The following ZNF775 variants were observed in gnomAD, a reference collection of about 807,000 sequenced individuals.
ZNF775 encodes the protein zinc finger protein 775.
In ZNF775, 1 loss-of-function variant was observed where a neutral mutation model predicts 2.4. The observed-to-expected ratio is 0.41, with a 90% CI of 0.15 to 1.94. The LOEUF is 1.94. ZNF775 is among the 30% of genes most tolerant of loss of function. ZNF775 has a pLI of 0.30. For synonymous variants in ZNF775, 381 were observed against 373.3 expected, an observed-to-expected ratio of 1.02 and a Z score of -0.24; for missense variants, 823 against 826.6, an observed-to-expected ratio of 1.00 and a Z score of 0.05.
At position 150,388,777 on chromosome 7, in the gene ZNF775, A is replaced by G. The variant is rs1585085889; in HGVS notation, c.31+276A>G. Among the ~76,000 whole-genome samples the G allele has an allele frequency of 1.3e-5, 2 of 152,330 alleles. 1 individual carries two copies. Among genetic ancestry groups the G allele is most frequent in the South Asian group, 4.1e-4 (2 of 4,828 alleles). On this transcript the variant is annotated intron_variant, in intron 2 of 2. Coordinates refer to ENST00000329630, the MANE Select transcript of ZNF775 (RefSeq NM_173680.4). ...GTGCACCCATGCCTTGTAGAAATTG[A>G]GGTGTTATTTACGTGCTAGAACAGG...
At position 150,384,234 on chromosome 7, in the gene ZNF775, C is replaced by T. The variant is rs566305699; in HGVS notation, c.-49-4188C>T. ...GGGGCAGCAGAGAGGAAAGGTGGTC[C>T]GGTAGGGGCCCGGGGGCCCTTGTGC... On this transcript the variant is annotated intron_variant, in intron 1 of 2. Transcript: ENST00000329630. The surrounding 1 kb of genome is among the most constrained non-coding windows in gnomAD (Gnocchi z 4.1). 9.8e-5 allele frequency among the ~76,000 whole-genome samples: 15 copies of T among 152,342 alleles called. No homozygotes were observed. The highest frequency in any genetic ancestry group is 3.4e-4 in the African/African-American group (14 of 41,574).
rs1800722299 is a variant in ZNF775, at chr7:150,398,326, C to T, written c.*231C>T. ...AAGATCCGAGTTCCTCACCGCGGGC[C>T]GGGATGTGACCACCCTCTTCAGAGG... On this transcript the variant is annotated 3_prime_UTR_variant, in exon 3 of 3. Coordinates refer to ENST00000329630, the MANE Select transcript of ZNF775 (RefSeq NM_173680.4). 3 of 664,082 alleles carry T rather than the reference C, an allele frequency of 4.5e-6. No homozygotes were observed. Among genetic ancestry groups the T allele is most frequent in the South Asian group, 2.2e-5 (1 of 45,380 alleles). The allele number at this position is 664,082 out of a possible 1,614,324, so 41.1% of individuals were successfully genotyped here. A position where few individuals can be genotyped will look rare whatever the true frequency, so the allele number is the denominator to read the frequency against.
At chr7:150,388,316 C>A in intron 1 of ZNF775, 106 bp from the exon 2 acceptor site, 1 of 837,720 alleles carries the variant, frequency 1.2e-6, no homozygotes, top group Non-Finnish European at 1.9e-6. Context: ...TAGAAAAGCT[C>A]TTTGGAAAAG....
rs755347331 is a variant in ZNF775 at position 150,397,543 on chromosome 7, G to A, written c.1062G>A (p.Lys354=). The change falls in exon 3 of 3, where the codon AAG becomes AAA. Residue 354 remains lysine (K), a synonymous_variant. Transcript: ENST00000329630. ...RGFRQKQHLL[K]HLRTHLPGAQ... is the part of the protein sequence containing the mutation. ...TCCGCCAGAAGCAGCACCTGCTCAA[G>A]CACCTGCGCACGCACCTGCCCGGCG... The A allele has an allele frequency of 1.3e-6, 2 of 1,548,640 alleles. No homozygotes were observed. The highest frequency in any genetic ancestry group is 1.7e-6 in the Non-Finnish European group (2 of 1,154,284).
At position 150,396,557 on chromosome 7, in the gene ZNF775, C is replaced by CT; in HGVS notation, c.77dup (p.Leu27AlafsTer53). On this transcript the variant is annotated frameshift_variant, in exon 3 of 3. Transcript: ENST00000329630. LOFTEE classifies it low-confidence loss of function (END_TRUNC). ...GGTCAAGCAGGAGAAGCCGGAGCGG[C>CT]TGCTGCAGACGCTGGCGCCGCAGGC... 3 of 1,604,884 alleles carry CT rather than the reference C, an allele frequency of 1.9e-6. No individual in the cohort carries two copies. The highest frequency in any genetic ancestry group is 2.5e-6 in the Non-Finnish European group (3 of 1,177,470).
At chr7:150,392,260 A>G (rs1227011075) in intron 2 of ZNF775, among the ~76,000 whole-genome samples, 1 of 152,134 alleles carries the variant, frequency 6.6e-6, no homozygotes, top group Non-Finnish European at 1.5e-5. Context: ...CCCCAAAGAG[A>G]GAGTTGGTTC....
chr7:150,394,241 G>A (rs999463384), intron 2 of ZNF775, among the ~76,000 whole-genome samples: 3 of 152,078 alleles, frequency 2.0e-5, no homozygotes, highest in Non-Finnish European at 4.4e-5. Context: ...CTTTGTATAT[G>A]TTTTGCATGT....
intron 2 of ZNF775, among the ~76,000 whole-genome samples, chr7:150,390,998 G>A (rs942991752): frequency 1.3e-5 from 2 of 152,112 alleles, no homozygotes; most frequent in Non-Finnish European, 2.9e-5. Flanking sequence ...AATTTTTGTT[G>A]GTATGAGGGG....
chr7:150,388,587 G>T, intron 2 of ZNF775, 86 bp downstream of exon 2: 1 of 1,485,796 alleles, frequency 6.7e-7, no homozygotes, highest in South Asian at 1.2e-5. Context: ...CCAGGCGCGA[G>T]CCAGTGCCCT....
At position 150,384,586 on chromosome 7, in the gene ZNF775, G is replaced by A. The variant is rs1800419497; in HGVS notation, c.-49-3836G>A. Among the ~76,000 whole-genome samples the A allele has an allele frequency of 6.6e-6, 1 of 152,336 alleles. No individual in the cohort carries two copies. Among genetic ancestry groups the A allele is most frequent in the Non-Finnish European group, 1.5e-5 (1 of 68,032 alleles). On this transcript the variant is annotated intron_variant, in intron 1 of 2. Coordinates refer to ENST00000329630, the MANE Select transcript of ZNF775 (RefSeq NM_173680.4). This position sits in a 1 kb window ranked among gnomAD's most constrained non-coding sequence, Gnocchi z 4.1. The stretch of plus-strand genomic sequence containing the variant: ...GCCATTTCCCAGACATAGCCCACCT[G>A]AGCACACAGGTAGAGGCGGGTCCCC...
intron 1 of ZNF775, among the ~76,000 whole-genome samples, chr7:150,385,700 G>A (rs909633306): frequency 3.9e-5 from 6 of 152,176 alleles, no homozygotes; most frequent in African/African-American, 1.4e-4. Flanking sequence ...CAGGCAGGTC[G>A]TCCTAAATTC....
In ZNF775 at chr7:150,396,847, G is replaced by A. The variant is rs1205858246; in HGVS notation, c.366G>A (p.Leu122=). 6.2e-7 allele frequency: 1 copy of A among 1,603,180 alleles called. No individual in the cohort carries two copies. The highest frequency in any genetic ancestry group is 1.3e-5 in the African/African-American group (1 of 75,012). Residue 122 remains leucine (L), a synonymous_variant, in exon 3 of 3, where the codon CTG becomes CTA. Coordinates refer to ENST00000329630, the MANE Select transcript of ZNF775 (RefSeq NM_173680.4). ...CGKRFSWWSS[L]KIHQRTHTGE... is the part of the protein sequence containing the mutation. ...AGAGGTTCAGCTGGTGGTCGTCCCT[G>A]AAGATCCACCAGCGCACCCACACCG...
At chr7:150,380,983 C>T (rs1800350449) in intron 1 of ZNF775, among the ~76,000 whole-genome samples, 1 of 152,196 alleles carries the variant, frequency 6.6e-6, no homozygotes, top group Non-Finnish European at 1.5e-5. Context: ...TTCCCAAGGT[C>T]CTTTGAATGC....
rs1363581574 is a variant in ZNF775 at position 150,384,757 on chromosome 7, G to A, written c.-49-3665G>A. Among the ~76,000 whole-genome samples, 7 of 152,174 alleles carry A rather than the reference G, an allele frequency of 4.6e-5. No homozygotes were observed. The highest frequency in any genetic ancestry group is 6.5e-5 in the Admixed American group (1 of 15,278). On this transcript the variant is annotated intron_variant, in intron 1 of 2. Transcript: ENST00000329630. The surrounding 1 kb of genome is among the most constrained non-coding windows in gnomAD (Gnocchi z 4.1). Reference sequence around the variant, plus strand: ...TTCCCCTCGAGCCCTGGTATGGCCCGAGACAGAGGCACCGAGGCTTGAGGG... The same window carrying A: ...TTCCCCTCGAGCCCTGGTATGGCCCAAGACAGAGGCACCGAGGCTTGAGGG...
chr7:150,386,473 A>G (rs776438482), intron 1 of ZNF775, among the ~76,000 whole-genome samples: 15 of 152,174 alleles, frequency 9.9e-5, no homozygotes, highest in Admixed American at 2.0e-4. Context: ...GTCAGGGTCC[A>G]GATTCCCAGT....
intron 1 of ZNF775, among the ~76,000 whole-genome samples, chr7:150,387,791 CAG>C (rs893571097): frequency 6.7e-6 from 1 of 148,484 alleles, no homozygotes; most frequent in Admixed American, 6.9e-5. Flanking sequence ...GCCTGGGCAA[CAG>C]AGCGAGACTC....
intron 2 of ZNF775, among the ~76,000 whole-genome samples, chr7:150,388,791 T>A (rs1800503971): frequency 6.6e-6 from 1 of 152,180 alleles, no homozygotes; most frequent in African/African-American, 2.4e-5. Flanking sequence ...GTTATTTACG[T>A]GCTAGAACAG....
intron 1 of ZNF775, among the ~76,000 whole-genome samples, chr7:150,386,000 A>G (rs559743910): frequency 1.3e-5 from 2 of 152,238 alleles, no homozygotes; most frequent in South Asian, 4.1e-4. Flanking sequence ...CTCTGTCACA[A>G]TCTCGGCTCA....
intron 2 of ZNF775, 64 bp from the exon 3 acceptor site, chr7:150,396,448 CT>C: frequency 6.7e-7 from 1 of 1,489,396 alleles, no homozygotes; most frequent in Non-Finnish European, 8.9e-7. Context: ...TGCTCCTTCT[CT>C]CCATCCCACC....
Sources: gnomAD v4.1 joint callset for allele counts (sites outside exome capture counted in the v4.1 genomes callset) on GRCh38, gnomAD v4.1.1 for gene constraint, Gnocchi (gnomAD v3.1) non-coding constraint, MANE v1.5 for transcripts, NCBI Gene and HGNC (gene_info 2026-07-23, HGNC 2026-07-21) for gene names.